Variants in DYNC2H1 observed in about 807,000 individuals in gnomAD.
DYNC2H1 encodes dynein cytoplasmic 2 heavy chain 1, also known as cytoplasmic dynein 2 heavy chain 1.
Under a neutral mutation model 570.0 loss-of-function variants are expected in DYNC2H1, and 410 were observed. That is an observed-to-expected ratio of 0.72 (90% CI 0.66 to 0.78). The LOEUF (loss-of-function observed/expected upper bound fraction) is 0.78, where lower values mean the gene tolerates loss of function less well. Ranked by LOEUF, DYNC2H1 falls within the 30% of genes least tolerant of loss-of-function variation. The pLI is 0.00. For missense variants in DYNC2H1, 4,865 were observed against 5,046.4 expected, an observed-to-expected ratio of 0.96 and a Z score of 1.09; for synonymous variants, 1,688 against 1,677.6, an observed-to-expected ratio of 1.01 and a Z score of -0.15.
chr11:103,286,630 A>T (rs1279209308), intron 74 of DYNC2H1, among the ~76,000 whole-genome samples: 1 of 152,178 alleles, frequency 6.6e-6, no homozygotes, highest in East Asian at 1.9e-4. Flanking sequence ...GGATTTTGTA[A>T]TAGGAAAAAT....
intron 82 of DYNC2H1, among the ~76,000 whole-genome samples, chr11:103,357,620 C>G (rs1057446789): frequency 6.6e-6 from 1 of 152,070 alleles, no homozygotes; most frequent in African/African-American, 2.4e-5. Flanking sequence ...AGACACTGAG[C>G]GGTTATTAAT....
chr11:103,281,230 C>A (rs1006318996), intron 71 of DYNC2H1, among the ~76,000 whole-genome samples: 9 of 152,068 alleles, frequency 5.9e-5, no homozygotes, highest in African/African-American at 2.2e-4. Flanking sequence ...TCTGACTCCA[C>A]ATGCACTGAC....
At chr11:103,306,760 T>G (rs968324086) in intron 77 of DYNC2H1, among the ~76,000 whole-genome samples, 2 of 152,172 alleles carry the variant, frequency 1.3e-5, no homozygotes, top group Non-Finnish European at 2.9e-5. Context: ...TCATTCTCTT[T>G]TAGAGCTATC....
intron 80 of DYNC2H1, among the ~76,000 whole-genome samples, chr11:103,318,731 G>T (rs1376977855): frequency 1.4e-5 from 2 of 146,320 alleles, no homozygotes; most frequent in African/African-American, 5.1e-5. Flanking sequence ...TTGTTTAAAA[G>T]ATTTTTTAAA....
At chr11:103,371,965 T>C (rs973715388) in intron 83 of DYNC2H1, among the ~76,000 whole-genome samples, 30 of 138,360 alleles carry the variant, frequency 2.2e-4, no homozygotes, top group Non-Finnish European at 4.5e-4. Flanking sequence ...CTTGCCTAAT[T>C]GTTCTGGCTA....
At chr11:103,131,220 A>G (rs1859249271) in intron 13 of DYNC2H1, among the ~76,000 whole-genome samples, 1 of 152,154 alleles carries the variant, frequency 6.6e-6, no homozygotes, top group Non-Finnish European at 1.5e-5. Flanking sequence ...TTTTTCCCCT[A>G]ATCATCAAAT....
chr11:103,136,929 G>A (rs1214710582), intron 17 of DYNC2H1, among the ~76,000 whole-genome samples: 1 of 151,618 alleles, frequency 6.6e-6, no homozygotes, highest in East Asian at 1.9e-4. Flanking sequence ...TAACTGGTGT[G>A]AGATGGTATC....
rs1339922127 is a variant in DYNC2H1, at chr11:103,157,543, A to G, written c.4127+773A>G. On this transcript the variant is annotated intron_variant, in intron 26 of 88. Coordinates refer to ENST00000375735, the MANE Select transcript of DYNC2H1 (RefSeq NM_001377.3). This position sits in a 1 kb window ranked among gnomAD's most constrained non-coding sequence, Gnocchi z 4.2. ...TATCTCCCTCTTCCTCCACTTTTAC[A>G]TACATTAAGTTGCCAAATTTTGTTG... Among the ~76,000 whole-genome samples, 1 of 152,222 alleles carries G rather than the reference A, an allele frequency of 6.6e-6. No individual in the cohort carries two copies. Among genetic ancestry groups the G allele is most frequent in the Non-Finnish European group, 1.5e-5 (1 of 68,034 alleles).
Position 103,204,859 on chromosome 11 carries a change from T to A in DYNC2H1, c.8349T>A (p.Asp2783Glu). ...ACTTGCATATTGTCTTGATAATGGA[T>A]TCTGCAAATTCAAACTTCATGATAA... ...QQNLHIVLIM[D>E]SANSNFMINC... Residue 2783 changes from aspartate to glutamate, a missense_variant, in exon 52 of 89, where the codon GAT becomes GAA. Physicochemically the swap from Asp to Glu is conservative, Grantham distance 45 (BLOSUM62 2). This residue lies in a region of DYNC2H1 where 2,401 missense variants were observed against 2,454.6 expected (regional missense o/e 0.98). Coordinates refer to ENST00000375735, the MANE Select transcript of DYNC2H1 (RefSeq NM_001377.3). This position sits in a 1 kb window ranked among gnomAD's most constrained non-coding sequence, Gnocchi z 4.1. The A allele has an allele frequency of 1.3e-6, 2 of 1,589,148 alleles. No homozygotes were observed. The highest frequency in any genetic ancestry group is 2.3e-5 in the South Asian group (2 of 87,440).
chr11:103,138,814 T>G (rs1418788804), intron 17 of DYNC2H1, among the ~76,000 whole-genome samples: 4 of 152,162 alleles, frequency 2.6e-5, no homozygotes, highest in Non-Finnish European at 5.9e-5. Flanking sequence ...GTACCTCTGG[T>G]AGAATTCGGC....
chr11:103,117,913 T>G (rs1858499062), intron 6 of DYNC2H1, 50 bp downstream of exon 6: 1 of 1,434,210 alleles, frequency 7.0e-7, no homozygotes, highest in African/African-American at 1.4e-5. Context: ...AAGTGTATCT[T>G]CACTTGTTTG....
chr11:103,342,216 G>T (rs928716198), intron 82 of DYNC2H1, among the ~76,000 whole-genome samples: 5 of 152,062 alleles, frequency 3.3e-5, no homozygotes, highest in Non-Finnish European at 7.4e-5. Context: ...GTACCAATTG[G>T]CACTCTGTAG....
intron 52 of DYNC2H1, among the ~76,000 whole-genome samples, chr11:103,206,671 CA>C (rs1478653297): frequency 6.6e-6 from 1 of 151,854 alleles, no homozygotes. Context: ...GATAGCATGT[CA>C]AAGGAAGAAA....
At chr11:103,316,331 A>G (rs1006146871) in intron 79 of DYNC2H1, among the ~76,000 whole-genome samples, 2 of 152,050 alleles carry the variant, frequency 1.3e-5, no homozygotes, top group African/African-American at 4.8e-5. Context: ...TAAAACTAGT[A>G]TGGTATTATA....
chr11:103,397,711 A>G (rs1942456113), intron 83 of DYNC2H1, among the ~76,000 whole-genome samples: 1 of 152,128 alleles, frequency 6.6e-6, no homozygotes, highest in African/African-American at 2.4e-5. Context: ...CCTGGGCAAC[A>G]TGGCAAATAC....
At chr11:103,356,389 CAT>C (rs1346795956) in intron 82 of DYNC2H1, among the ~76,000 whole-genome samples, 9 of 152,222 alleles carry the variant, frequency 5.9e-5, no homozygotes, top group South Asian at 2.1e-4. Context: ...GAAATCCTCA[CAT>C]GTTATTTTTC....
Position 103,280,428 on chromosome 11 carries a change from A to C in DYNC2H1, c.10761+15A>C. Reference sequence around the variant, plus strand: ...TTCAAGAAAATGTAAGTCAAATTAAAGGAGAGAAATTTTACAGTAACATAG... The same window carrying C: ...TTCAAGAAAATGTAAGTCAAATTAACGGAGAGAAATTTTACAGTAACATAG... On this transcript the variant is annotated intron_variant, in intron 71 of 88. Transcript: ENST00000375735. The surrounding 1 kb of genome is among the most constrained non-coding windows in gnomAD (Gnocchi z 4.7). The C allele has an allele frequency of 6.4e-7, 1 of 1,550,668 alleles. No homozygotes were observed.
At chr11:103,443,213 C>T (rs2135772982) in intron 85 of DYNC2H1, among the ~76,000 whole-genome samples, 1 of 152,094 alleles carries the variant, frequency 6.6e-6, no homozygotes, top group Middle Eastern at 3.4e-3. Flanking sequence ...ATTCCTAAAT[C>T]AATCATAGCC....
At chr11:103,452,198 G>C (rs1041653946) in intron 85 of DYNC2H1, among the ~76,000 whole-genome samples, 1 of 152,002 alleles carries the variant, frequency 6.6e-6, no homozygotes, top group African/African-American at 2.4e-5. Flanking sequence ...CCTTATAATA[G>C]GTTAAATTCT....
Sources: allele counts gnomAD v4.1 joint callset (sites outside exome capture counted in the v4.1 genomes callset), GRCh38; gene constraint gnomAD v4.1.1; regional missense constraint gnomAD v4.1.1; non-coding constraint Gnocchi (gnomAD v3.1); transcripts MANE v1.5; gene names NCBI Gene and HGNC (gene_info 2026-07-23, HGNC 2026-07-21).